The following NPAS3 variants were observed in gnomAD, a reference collection of about 807,000 sequenced individuals.
The protein encoded by NPAS3 is neuronal PAS domain-containing protein 3.
In NPAS3, 14 loss-of-function variants were observed where a neutral mutation model predicts 73.1. The ratio of observed to expected loss-of-function variants is 0.19; its 90% confidence interval spans 0.13 to 0.30. The LOEUF is 0.30. Among genes scored for constraint, NPAS3 ranks in the 10% least tolerant of loss-of-function variants. The pLI, the probability that NPAS3 is intolerant of heterozygous loss-of-function variation, is 1.00. For synonymous variants in NPAS3, 620 were observed against 541.5 expected (o/e 1.14, Z -2.01); for missense variants, 1,096 against 1,250.0 (o/e 0.88, Z 1.86).
chr14:33,732,233 G>GCACACA (rs143767826), intron 6 of NPAS3, among the ~76,000 whole-genome samples: 1 of 151,388 alleles, frequency 6.6e-6, no homozygotes, highest in South Asian at 2.1e-4. Context: ...GCATGTGCAC[G>GCACACA]CACACACACA....
intron 5 of NPAS3, among the ~76,000 whole-genome samples, chr14:33,590,269 C>A (rs542874377): frequency 1.4e-4 from 22 of 152,248 alleles, no homozygotes; most frequent in African/African-American, 5.1e-4. Flanking sequence ...TGAAGACCTC[C>A]ATCTGTTGGT....
intron 7 of NPAS3, among the ~76,000 whole-genome samples, chr14:33,742,346 G>T (rs2061676005): frequency 6.6e-6 from 1 of 152,174 alleles, no homozygotes; most frequent in African/African-American, 2.4e-5. Flanking sequence ...TGGAGATACT[G>T]TGGGTTTGGT....
At chr14:33,570,621 A>G (rs960045234) in intron 5 of NPAS3, among the ~76,000 whole-genome samples, 1 of 152,196 alleles carries the variant, frequency 6.6e-6, no homozygotes, top group Non-Finnish European at 1.5e-5. Flanking sequence ...TTTTCACTTG[A>G]GCAGACAAGT....
intron 1 of NPAS3, among the ~76,000 whole-genome samples, chr14:33,029,081 A>G (rs1046610841): frequency 6.6e-6 from 1 of 152,114 alleles, no homozygotes; most frequent in Non-Finnish European, 1.5e-5. Context: ...AGAGGAGCAA[A>G]GGCAGAGTAG....
intron 6 of NPAS3, among the ~76,000 whole-genome samples, chr14:33,681,308 G>A (rs2059931100): frequency 6.6e-6 from 1 of 152,132 alleles, no homozygotes; most frequent in African/African-American, 2.4e-5. Flanking sequence ...GATATTTTTT[G>A]TATTGGGTCA....
chr14:33,256,984 T>C (rs2048801085), intron 3 of NPAS3, among the ~76,000 whole-genome samples: 1 of 152,152 alleles, frequency 6.6e-6, no homozygotes, highest in South Asian at 2.1e-4. Context: ...AGTTCATAAA[T>C]AGATCCCTCT....
intron 2 of NPAS3, among the ~76,000 whole-genome samples, chr14:33,103,526 C>A (rs1410365946): frequency 1.3e-5 from 2 of 152,146 alleles, no homozygotes; most frequent in Non-Finnish European, 2.9e-5. Flanking sequence ...TAGCGATGAT[C>A]CAGTTGTAGA....
intron 1 of NPAS3, among the ~76,000 whole-genome samples, chr14:33,009,166 A>G (rs1317672086): frequency 6.6e-6 from 1 of 152,196 alleles, no homozygotes; most frequent in Non-Finnish European, 1.5e-5. Context: ...ACTGTATTAG[A>G]AAAGTAAATG....
intron 1 of NPAS3, among the ~76,000 whole-genome samples, chr14:32,978,117 G>GT (rs1037228705): frequency 3.3e-5 from 5 of 152,076 alleles, no homozygotes; most frequent in African/African-American, 1.2e-4. Context: ...AGATGTGGGG[G>GT]GGTGAGAAAA....
intron 2 of NPAS3, among the ~76,000 whole-genome samples, chr14:33,193,920 A>G (rs553723070): frequency 6.6e-6 from 1 of 152,284 alleles, no homozygotes; most frequent in East Asian, 1.9e-4. Context: ...GCAGTAATAG[A>G]AGAAGCCTTT....
intron 5 of NPAS3, among the ~76,000 whole-genome samples, chr14:33,609,191 C>T (rs1019563543): frequency 2.6e-5 from 4 of 151,966 alleles, no homozygotes; most frequent in African/African-American, 7.3e-5. Context: ...TTTTTCTGTC[C>T]GAATTTTCCT....
At position 33,328,446 on chromosome 14, in the gene NPAS3, C is replaced by CTTTT. The variant is rs58411120; in HGVS notation, c.386-38705_386-38702dup. 3.6e-4 allele frequency among the ~76,000 whole-genome samples: 18 copies of CTTTT among 49,598 alleles called. 5 individuals are homozygous for CTTTT. The highest frequency in any genetic ancestry group is 2.1e-3 in the South Asian group (2 of 964). 32.5% of individuals were successfully genotyped at this position (49,598 alleles called of 152,430 possible). A position where few individuals can be genotyped will look rare whatever the true frequency, so the allele number is the denominator to read the frequency against. On this transcript the variant is annotated intron_variant, in intron 3 of 11. Coordinates refer to ENST00000356141, the Ensembl canonical transcript of NPAS3. ...TTTATCTTTCTTTTCCTTTTCTTTT[C>CTTTT]TTTTTTTTTTTTTTTTTTTTTTTTT...
chr14:33,496,451 A>G (rs1449332230), intron 4 of NPAS3, among the ~76,000 whole-genome samples: 1 of 152,174 alleles, frequency 6.6e-6, no homozygotes, highest in African/African-American at 2.4e-5. Context: ...AAAAATCTCA[A>G]TAAAATACTG....
At chr14:33,779,286 G>T (rs1383925782) in intron 9 of NPAS3, among the ~76,000 whole-genome samples, 4 of 152,324 alleles carry the variant, frequency 2.6e-5, no homozygotes, top group African/African-American at 9.6e-5. Flanking sequence ...CAACACACCA[G>T]CAGAACCATG....
At chr14:33,689,851 C>G (rs1217760642) in intron 6 of NPAS3, among the ~76,000 whole-genome samples, 1 of 152,176 alleles carries the variant, frequency 6.6e-6, no homozygotes, top group Non-Finnish European at 1.5e-5. Flanking sequence ...CCAAGATACA[C>G]CTGCTGACTT....
intron 4 of NPAS3, among the ~76,000 whole-genome samples, chr14:33,452,279 A>C (rs1215988359): frequency 6.6e-6 from 1 of 152,212 alleles, no homozygotes; most frequent in Non-Finnish European, 1.5e-5. Flanking sequence ...GTTTCTGTGA[A>C]GGAGGAGTTG....
chr14:33,440,824 G>A (rs1195884649), intron 4 of NPAS3, among the ~76,000 whole-genome samples: 3 of 151,778 alleles, frequency 2.0e-5, no homozygotes, highest in African/African-American at 2.4e-5. Flanking sequence ...ACCCCGGGGG[G>A]CAGAGGTTGC....
At chr14:33,462,803 A>T (rs994597499) in intron 4 of NPAS3, among the ~76,000 whole-genome samples, 1 of 152,196 alleles carries the variant, frequency 6.6e-6, no homozygotes, top group African/African-American at 2.4e-5. Flanking sequence ...GTGTGACCTT[A>T]TGCTAGTTGC....
At chr14:33,200,822 C>CCACT (rs930993202) in intron 2 of NPAS3, among the ~76,000 whole-genome samples, 1 of 152,104 alleles carries the variant, frequency 6.6e-6, no homozygotes, top group African/African-American at 2.4e-5. Flanking sequence ...TCCACAGGAC[C>CCACT]CACTATTCCC....
Sources: allele counts gnomAD v4.1 joint callset (sites outside exome capture counted in the v4.1 genomes callset), GRCh38; gene constraint gnomAD v4.1.1; transcripts MANE v1.5; gene names NCBI Gene and HGNC (gene_info 2026-07-23, HGNC 2026-07-21).